Variants in ERI3 observed in about 807,000 individuals in gnomAD.
ERI3 encodes the protein ERI1 exoribonuclease family member 3, also known as ERI1 exoribonuclease 3.
In ERI3, 18 loss-of-function variants were observed where a neutral mutation model predicts 44.4. The ratio of observed to expected loss-of-function variants is 0.41; its 90% confidence interval spans 0.28 to 0.60. The LOEUF is 0.60. Ranked by LOEUF, ERI3 falls within the 20% of genes least tolerant of loss-of-function variation. The pLI is 0.36. For synonymous variants in ERI3, 183 were observed against 164.8 expected, an observed-to-expected ratio of 1.11 and a Z score of -0.84; for missense variants, 294 against 435.5, an observed-to-expected ratio of 0.68 and a Z score of 2.89.
chr1:44,342,849 ATATATATAT>A (rs1646704787), intron 2 of ERI3, among the ~76,000 whole-genome samples: 1 of 33,610 alleles, frequency 3.0e-5, no homozygotes. Flanking sequence ...ATATATATAT[ATATATATAT>A]TTTTTTTTTT....
intron 8 of ERI3, chr1:44,244,326 C>T (rs1644506409): frequency 1.3e-5 from 2 of 153,318 alleles, no homozygotes; most frequent in African/African-American, 4.8e-5. Flanking sequence ...CCTCCCCTGA[C>T]TATGATGTCA....
At chr1:44,352,780 C>A in intron 2 of ERI3, 70 bp downstream of exon 2, 1 of 1,562,010 alleles carries the variant, frequency 6.4e-7, no homozygotes, top group African/African-American at 1.4e-5. Flanking sequence ...CAGCCCCCAC[C>A]CCCTACCCTC....
At chr1:44,256,900 T>G (rs1174750335) in intron 7 of ERI3, 1 of 152,264 alleles carries the variant, frequency 6.6e-6, no homozygotes, top group Non-Finnish European at 1.5e-5. Flanking sequence ...AAGTAGCTCC[T>G]GAGCCATGCT....
At chr1:44,332,929 C>T (rs924618156) in intron 3 of ERI3, among the ~76,000 whole-genome samples, 1 of 152,138 alleles carries the variant, frequency 6.6e-6, no homozygotes, top group East Asian at 1.9e-4. Flanking sequence ...CACTGGCCAT[C>T]AATAGAGGAA....
At chr1:44,330,192 T>C (rs986363772) in intron 3 of ERI3, among the ~76,000 whole-genome samples, 1 of 152,218 alleles carries the variant, frequency 6.6e-6, no homozygotes, top group African/African-American at 2.4e-5. Flanking sequence ...TCCCCAACTG[T>C]ACCCCCATTG....
chr1:44,291,697 G>A lies in ERI3; in HGVS notation c.759-6790C>T, dbSNP rs781312197. ...ACAGAAGATGTCCAGGTTGTTTTATGAATAACCCCTCAGACAGAGAGTCCC... is the reference window on the plus strand; with the variant it reads ...ACAGAAGATGTCCAGGTTGTTTTATAAATAACCCCTCAGACAGAGAGTCCC... On this transcript the variant is annotated intron_variant, in intron 6 of 8. Coordinates refer to ENST00000372257, the MANE Select transcript of ERI3 (RefSeq NM_024066.3). 3.2e-4 allele frequency among the ~76,000 whole-genome samples: 49 copies of A among 152,178 alleles called. 1 individual carries two copies. Among genetic ancestry groups the A allele is most frequent in the Non-Finnish European group, 1.2e-4 (8 of 68,040 alleles).
chr1:44,321,349 AAGGCTG>A (rs1008890014), intron 3 of ERI3, among the ~76,000 whole-genome samples: 23 of 152,166 alleles, frequency 1.5e-4, no homozygotes, highest in Non-Finnish European at 2.6e-4. Flanking sequence ...AAATGGCTGC[AAGGCTG>A]AGGCAGAGGG....
At chr1:44,301,407 T>C (rs1645723002) in intron 6 of ERI3, among the ~76,000 whole-genome samples, 1 of 152,222 alleles carries the variant, frequency 6.6e-6, no homozygotes, top group African/African-American at 2.4e-5. Context: ...TTCACAGGAC[T>C]GAGGCCCTGA....
intron 3 of ERI3, among the ~76,000 whole-genome samples, chr1:44,333,881 T>C (rs1265732456): frequency 6.6e-6 from 1 of 152,198 alleles, no homozygotes; most frequent in East Asian, 1.9e-4. Context: ...ACTCCTTTAC[T>C]CATAGTTCTA....
intron 6 of ERI3, among the ~76,000 whole-genome samples, chr1:44,303,661 G>C (rs1260702785): frequency 6.6e-6 from 1 of 152,184 alleles, no homozygotes; most frequent in South Asian, 2.1e-4. Context: ...GCATGTGGCT[G>C]GTGGGGAGGG....
At chr1:44,243,422 C>A in intron 8 of ERI3, 1 of 152,290 alleles carries the variant, frequency 6.6e-6, no homozygotes. Context: ...TGCAGATTTC[C>A]AAAAAAGAAG....
chr1:44,319,699 C>A lies in ERI3; in HGVS notation c.535G>T (p.Glu179Ter). The change falls in exon 4 of 9, where the codon GAG becomes TAG. Residue 179 changes from glutamate to a stop codon, truncating the protein, a stop_gained. Coordinates refer to ENST00000372257, the MANE Select transcript of ERI3 (RefSeq NM_024066.3). LOFTEE classifies it high-confidence loss of function. ...TACATGTGAAAGGTAGACTCAATCT[C>A]CATGGTCCGGCCATTTAGCTTTAGG... ...PILKLNGRTM[E>*]IESTFHMYVQ... 6.2e-7 allele frequency: 1 copy of A among 1,614,200 alleles called. No individual in the cohort carries two copies. The highest frequency in any genetic ancestry group is 8.5e-7 in the Non-Finnish European group (1 of 1,180,018).
chr1:44,342,831 A>C (rs1434385335), intron 2 of ERI3, among the ~76,000 whole-genome samples: 1 of 18,378 alleles, frequency 5.4e-5, no homozygotes, highest in Non-Finnish European at 9.6e-5. Flanking sequence ...ATATATATAT[A>C]TATATATATA....
intron 3 of ERI3, 33 bp from the exon 4 acceptor site, chr1:44,319,777 A>C: frequency 6.9e-7 from 1 of 1,455,542 alleles, no homozygotes; most frequent in Non-Finnish European, 9.6e-7. Context: ...AAGGAAAAAT[A>C]AGTTATTGTA....
At position 44,338,237 on chromosome 1, in the gene ERI3, ATAATCATTTGTTATCCC is replaced by A. The variant is rs1474500900; in HGVS notation, c.489+791_489+807del. On this transcript the variant is annotated intron_variant, in intron 3 of 8. Coordinates refer to ENST00000372257, the MANE Select transcript of ERI3 (RefSeq NM_024066.3). Reference sequence around the variant, plus strand: ...CCAAAACCTGTGGCTTAAAACATCAATAATCATTTGTTATCCCTCACAGTTCCTGTGAGTCAGGAATT... The same window carrying A: ...CCAAAACCTGTGGCTTAAAACATCAATCACAGTTCCTGTGAGTCAGGAATT... Among the ~76,000 whole-genome samples the A allele has an allele frequency of 2.0e-5, 3 of 152,200 alleles. No homozygotes were observed. In the East Asian group the frequency reaches 5.8e-4, roughly 29 times the overall value.
At chr1:44,239,359 T>TTG (rs1258298747) in intron 8 of ERI3, among the ~76,000 whole-genome samples, 5 of 152,174 alleles carry the variant, frequency 3.3e-5, no homozygotes, top group African/African-American at 1.2e-4. Flanking sequence ...GCAAAAGGTC[T>TTG]TGATGTGACT....
At chr1:44,275,973 G>T (rs1336306858) in intron 7 of ERI3, among the ~76,000 whole-genome samples, 2 of 152,202 alleles carry the variant, frequency 1.3e-5, no homozygotes, top group African/African-American at 4.8e-5. Flanking sequence ...TAGGCATCGG[G>T]TGAGTGCCTC....
chr1:44,354,746 A>G, intron 1 of ERI3, 146 bp downstream of exon 1: 1 of 1,246,622 alleles, frequency 8.0e-7, no homozygotes, highest in East Asian at 3.1e-5. Flanking sequence ...CCCCTCCGCC[A>G]GAACATTACT....
At chr1:44,348,862 A>C (rs1235564079) in intron 2 of ERI3, among the ~76,000 whole-genome samples, 2 of 152,256 alleles carry the variant, frequency 1.3e-5, no homozygotes, top group Admixed American at 1.3e-4. Flanking sequence ...GACCTCAGGC[A>C]ACTCATTTAA....
Sources: allele counts gnomAD v4.1 joint callset (sites outside exome capture counted in the v4.1 genomes callset), GRCh38; gene constraint gnomAD v4.1.1; transcripts MANE v1.5; gene names NCBI Gene and HGNC (gene_info 2026-07-23, HGNC 2026-07-21).